Variants in COL4A1 observed in about 807,000 individuals in gnomAD.
COL4A1 encodes the protein collagen alpha-1(IV) chain.
Under a neutral mutation model 216.6 loss-of-function variants are expected in COL4A1, and 40 were observed. The observed-to-expected ratio is 0.18, with a 90% confidence interval of 0.14 to 0.24. The LOEUF is 0.24. Ranked by LOEUF, COL4A1 falls within the 10% of genes least tolerant of loss-of-function variation. COL4A1 has a pLI of 1.00. For missense variants in COL4A1, 1,628 were observed against 2,196.8 expected, an observed-to-expected ratio of 0.74 and a Z score of 5.18; for synonymous variants, 839 against 810.7, an observed-to-expected ratio of 1.03 and a Z score of -0.59.
At chr13:110,204,917 T>C (rs1396788369) in intron 17 of COL4A1, among the ~76,000 whole-genome samples, 1 of 152,220 alleles carries the variant, frequency 6.6e-6, no homozygotes, top group Non-Finnish European at 1.5e-5. Flanking sequence ...GCCATTGAAA[T>C]AGATCCTCCT....
At chr13:110,187,540 T>C (rs1878456244) in intron 24 of COL4A1, among the ~76,000 whole-genome samples, 1 of 152,196 alleles carries the variant, frequency 6.6e-6, no homozygotes, top group Non-Finnish European at 1.5e-5. Flanking sequence ...TAAAAACACT[T>C]ATCTTAATTA....
chr13:110,181,511 G>T, intron 28 of COL4A1, 122 bp from the exon 29 acceptor site: 2 of 1,030,040 alleles, frequency 1.9e-6, no homozygotes, highest in African/African-American at 1.6e-5. Context: ...AAGGTCAACT[G>T]TGGAGGCCTT....
chr13:110,275,249 G>C (rs1883387236), intron 1 of COL4A1, among the ~76,000 whole-genome samples: 1 of 152,100 alleles, frequency 6.6e-6, no homozygotes, highest in African/African-American at 2.4e-5. Context: ...ATGGGCCAAA[G>C]ACCTTAACAG....
chr13:110,169,911 G>T, intron 42 of COL4A1, 149 bp from the exon 43 acceptor site: 1 of 940,480 alleles, frequency 1.1e-6, no homozygotes, highest in Non-Finnish European at 1.6e-6. Flanking sequence ...ATCGAGGCAG[G>T]TCCAGGAAGG....
At chr13:110,201,900 C>G (rs993617076) in intron 18 of COL4A1, among the ~76,000 whole-genome samples, 30 of 152,220 alleles carry the variant, frequency 2.0e-4, no homozygotes, top group African/African-American at 7.0e-4. Flanking sequence ...GAGAATCGCT[C>G]GAACCCAGGA....
intron 1 of COL4A1, among the ~76,000 whole-genome samples, chr13:110,251,249 T>A (rs1566414363): frequency 1.3e-5 from 2 of 152,226 alleles, no homozygotes; most frequent in Non-Finnish European, 2.9e-5. Context: ...GGTGCCACCC[T>A]GGCCTGCACC....
intron 43 of COL4A1, 150 bp downstream of exon 43, chr13:110,169,479 G>C: frequency 7.5e-7 from 1 of 1,332,502 alleles, no homozygotes; most frequent in Non-Finnish European, 1.0e-6. Context: ...AACTGATTTA[G>C]TGGGGATGTG....
At chr13:110,164,631 T>C (rs1189263253) in intron 46 of COL4A1, among the ~76,000 whole-genome samples, 1 of 152,126 alleles carries the variant, frequency 6.6e-6, no homozygotes, top group African/African-American at 2.4e-5. Context: ...CACAGATGTG[T>C]TGTTATGTGT....
intron 4 of COL4A1, 131 bp from the exon 5 acceptor site, chr13:110,212,749 C>T (rs1328274951): frequency 5.6e-6 from 6 of 1,069,306 alleles, no homozygotes; most frequent in Admixed American, 1.9e-5. Context: ...AGACAGAGCA[C>T]TCTGCACAAG....
At chr13:110,171,708 G>A (rs1200372041) in intron 41 of COL4A1, among the ~76,000 whole-genome samples, 3 of 152,206 alleles carry the variant, frequency 2.0e-5, no homozygotes, top group Non-Finnish European at 4.4e-5. Flanking sequence ...AGTGGAAAAC[G>A]CAAGGTGCTG....
chr13:110,252,738 T>TC (rs1286030353), intron 1 of COL4A1, among the ~76,000 whole-genome samples: 1 of 141,284 alleles, frequency 7.1e-6, no homozygotes, highest in Non-Finnish European at 1.5e-5. Context: ...TAAGTATGTA[T>TC]GTATTATACA....
intron 24 of COL4A1, 39 bp from the exon 25 acceptor site, chr13:110,187,368 T>C (rs1475956482): frequency 6.2e-7 from 1 of 1,608,666 alleles, no homozygotes; most frequent in Non-Finnish European, 8.5e-7. Context: ...GAAGAACCCA[T>C]CCATGAAGCA....
intron 2 of COL4A1, among the ~76,000 whole-genome samples, chr13:110,232,646 A>G (rs1881116226): frequency 6.6e-6 from 1 of 152,108 alleles, no homozygotes. Flanking sequence ...TTTTTCCCAT[A>G]AATAGTCGGG....
chr13:110,256,441 A>G (rs1222435997), intron 1 of COL4A1, among the ~76,000 whole-genome samples: 1 of 152,228 alleles, frequency 6.6e-6, no homozygotes, highest in East Asian at 1.9e-4. Flanking sequence ...GTCAGGAACC[A>G]GCAGGCACTG....
rs146548585 is a variant in COL4A1, at chr13:110,211,292, C to G, written c.468+355G>C. 3.7e-4 allele frequency among the ~76,000 whole-genome samples: 56 copies of G among 152,322 alleles called. No individual in the cohort carries two copies. The East Asian group carries it at 4.4e-3, about 12-fold the overall frequency. ...AGCCGAGCCCCAAGACATCAACACC[C>G]CGCCTGGGAAAAGCTGCCCCAGGTT... is the stretch of plus-strand genomic sequence containing the variant. On this transcript the variant is annotated intron_variant, in intron 8 of 51. Coordinates refer to ENST00000375820, the MANE Select transcript of COL4A1 (RefSeq NM_001845.6). This position sits in a 1 kb window ranked among gnomAD's most constrained non-coding sequence, Gnocchi z 4.3.
In COL4A1 at chr13:110,275,417, G is replaced by C. The variant is rs112844357; in HGVS notation, c.84+31527C>G. Among the ~76,000 whole-genome samples the C allele has an allele frequency of 4.3e-3, 656 of 152,296 alleles. 10 individuals are homozygous for C. The highest frequency in any genetic ancestry group is 0.015 in the African/African-American group (616 of 41,570). ...CAGTGACAATACTAAGTGCCGGTGA[G>C]GGTGTGGAACAACAAAAATTCTCAG... is the stretch of plus-strand genomic sequence containing the variant. On this transcript the variant is annotated intron_variant, in intron 1 of 51. Coordinates refer to ENST00000375820, the MANE Select transcript of COL4A1 (RefSeq NM_001845.6).
chr13:110,273,439 G>C (rs1050213874), intron 1 of COL4A1, among the ~76,000 whole-genome samples: 4 of 152,146 alleles, frequency 2.6e-5, no homozygotes, highest in African/African-American at 7.2e-5. Flanking sequence ...CATTCCACTT[G>C]TGACAACTCC....
chr13:110,209,876 GACC>G (rs750982786), intron 10 of COL4A1, 101 bp downstream of exon 10: 1 of 1,378,712 alleles, frequency 7.3e-7, no homozygotes, highest in Non-Finnish European at 1.0e-6. Context: ...AATTAAGAGC[GACC>G]ACAACTGTGT....
At chr13:110,250,984 C>T (rs1882047954) in intron 1 of COL4A1, among the ~76,000 whole-genome samples, 1 of 152,244 alleles carries the variant, frequency 6.6e-6, no homozygotes, top group Non-Finnish European at 1.5e-5. Flanking sequence ...CTTCCCGGTT[C>T]CCCGGATTCT....
Sources: allele counts gnomAD v4.1 joint callset (sites outside exome capture counted in the v4.1 genomes callset), GRCh38; gene constraint gnomAD v4.1.1; non-coding constraint Gnocchi (gnomAD v3.1); transcripts MANE v1.5; gene names NCBI Gene and HGNC (gene_info 2026-07-23, HGNC 2026-07-21).